Variants in AHCYL1 observed in about 807,000 individuals in gnomAD.
AHCYL1 encodes the protein S-adenosylhomocysteine hydrolase-like protein 1.
Under a neutral mutation model 79.3 loss-of-function variants are expected in AHCYL1, and 20 were observed. The ratio of observed to expected loss-of-function variants is 0.25; its 90% CI spans 0.18 to 0.37. AHCYL1 has a LOEUF of 0.37. Ranked by LOEUF, AHCYL1 falls within the 10% of genes least tolerant of loss-of-function variation. The pLI is 1.00. For synonymous variants in AHCYL1, 223 were observed against 242.2 expected, an observed-to-expected ratio of 0.92 and a Z score of 0.74; for missense variants, 330 against 673.6, an observed-to-expected ratio of 0.49 and a Z score of 5.65.
intron 5 of AHCYL1, among the ~76,000 whole-genome samples, chr1:110,013,733 A>C (rs971672274): frequency 4.6e-5 from 7 of 151,850 alleles, no homozygotes; most frequent in African/African-American, 1.7e-4. Context: ...AATAATAATA[A>C]TTTTTATTAT....
At chr1:109,991,689 G>C (rs943449110) in intron 1 of AHCYL1, among the ~76,000 whole-genome samples, 6 of 152,178 alleles carry the variant, frequency 3.9e-5, no homozygotes, top group African/African-American at 1.2e-4. Flanking sequence ...GAGCCTGTGT[G>C]CCAAGGAAAA....
At chr1:110,014,185 C>T (rs1570885540) in intron 5 of AHCYL1, among the ~76,000 whole-genome samples, 1 of 152,128 alleles carries the variant, frequency 6.6e-6, no homozygotes, top group East Asian at 1.9e-4. Context: ...GATAAGTGTT[C>T]ACTGCAAAAA....
Position 110,015,422 on chromosome 1 carries a change from T to C in AHCYL1, c.676-3T>C. On this transcript the variant is annotated splice_region_variant and splice_polypyrimidine_tract_variant and intron_variant, in intron 6 of 16. Transcript: ENST00000369799. ...CCATAGAAGTCTTCTGGCTGTTCTA[T>C]AGATCCTGGATGATGGGGGAGACTT... 1 of 1,613,496 alleles carries C rather than the reference T, an allele frequency of 6.2e-7. No homozygotes were observed. Among genetic ancestry groups the C allele is most frequent in the Non-Finnish European group, 8.5e-7 (1 of 1,179,402 alleles).
intron 1 of AHCYL1, among the ~76,000 whole-genome samples, chr1:109,989,623 C>T (rs1649651283): frequency 6.6e-6 from 1 of 152,110 alleles, no homozygotes; most frequent in East Asian, 1.9e-4. Flanking sequence ...TCTGCCACTC[C>T]GAGTAGTTAA....
intron 1 of AHCYL1, among the ~76,000 whole-genome samples, chr1:109,999,302 C>G (rs1235904482): frequency 6.6e-6 from 1 of 152,152 alleles, no homozygotes. Flanking sequence ...GATGAGAATA[C>G]TTAGGATCTA....
chr1:110,012,232 C>T (rs532277969), intron 3 of AHCYL1, 130 bp from the exon 4 acceptor site: 9 of 680,036 alleles, frequency 1.3e-5, no homozygotes, highest in Admixed American at 6.0e-5. Context: ...AGCTGCCAGT[C>T]GTCATGGAAA....
chr1:109,994,177 T>C (rs1649904604), intron 1 of AHCYL1, among the ~76,000 whole-genome samples: 1 of 152,208 alleles, frequency 6.6e-6, no homozygotes, highest in Non-Finnish European at 1.5e-5. Flanking sequence ...TGGCACTACA[T>C]TTTGTGTGTT....
At chr1:110,009,553 C>G (rs1353566876) in intron 2 of AHCYL1, among the ~76,000 whole-genome samples, 1 of 152,206 alleles carries the variant, frequency 6.6e-6, no homozygotes, top group Non-Finnish European at 1.5e-5. Flanking sequence ...TTTCTTGTCT[C>G]CAAGACTGCT....
rs916003046 is a variant in AHCYL1 at position 110,018,386 on chromosome 1, A to G, written c.1137A>G (p.Val379=). Residue 379 remains valine, a synonymous_variant, in exon 12 of 17, where the codon GTA becomes GTG. Coordinates refer to ENST00000369799, the MANE Select transcript of AHCYL1 (RefSeq NM_006621.7). ...VVITCTGNKN[V]VTREHLDRMK... is the part of the protein sequence containing the mutation. Reference sequence around the variant, plus strand: ...CTTTTCTTTTAGGAAATAAGAATGTAGTGACACGGGAGCACTTGGATCGCA... The same window carrying G: ...CTTTTCTTTTAGGAAATAAGAATGTGGTGACACGGGAGCACTTGGATCGCA... The G allele has an allele frequency of 7.4e-6, 12 of 1,614,028 alleles. No homozygotes were observed. Among genetic ancestry groups the G allele is most frequent in the Non-Finnish European group, 2.5e-6 (3 of 1,180,002 alleles).
At chr1:110,005,944 T>C (rs1343466141) in intron 1 of AHCYL1, among the ~76,000 whole-genome samples, 1 of 147,026 alleles carries the variant, frequency 6.8e-6, no homozygotes, top group Non-Finnish European at 1.6e-5. Flanking sequence ...ATTATTCGTT[T>C]GGTAGAGCTT....
intron 16 of AHCYL1, 147 bp downstream of exon 16, chr1:110,020,998 C>T (rs1651760138): frequency 8.1e-7 from 1 of 1,237,504 alleles, no homozygotes; most frequent in Non-Finnish European, 1.1e-6. Context: ...TGGCTCACGC[C>T]TGTAATCCCA....
Position 110,017,546 on chromosome 1 carries a change from A to C in AHCYL1, c.1015A>C (p.Ile339Leu), listed in dbSNP as rs1651496864. Residue 339 changes from isoleucine to leucine, a missense_variant, in exon 10 of 17, where the codon ATT (isoleucine) becomes CTT (leucine). This residue lies in a region of AHCYL1 where 119 missense variants were observed against 293.3 expected (regional missense o/e 0.41). Transcript: ENST00000369799. ...CAAAGCTCTTGGAGCAATTGTCTAC[A>C]TTACCGAAATCGACCCCATCTGTGC... ...ALKALGAIVY[I>L]TEIDPICALQ... The C allele has an allele frequency of 6.2e-7, 1 of 1,614,044 alleles. No homozygotes were observed. The highest frequency in any genetic ancestry group is 8.5e-7 in the Non-Finnish European group (1 of 1,180,036).
intron 11 of AHCYL1, 59 bp from the exon 12 acceptor site, chr1:110,018,314 C>A: frequency 6.5e-7 from 1 of 1,544,518 alleles, no homozygotes; most frequent in Non-Finnish European, 8.9e-7. Flanking sequence ...TACCTGAAAG[C>A]CAGCCAGTAC....
At chr1:110,010,975 G>A (rs574931242) in intron 2 of AHCYL1, among the ~76,000 whole-genome samples, 8 of 152,290 alleles carry the variant, frequency 5.3e-5, no homozygotes, top group Admixed American at 3.9e-4. Context: ...CTTGTCATAG[G>A]CACTAATAGC....
In AHCYL1 at chr1:110,012,233, G is replaced by A. The variant is rs191939766; in HGVS notation, c.377-129G>A. 1.6e-4 allele frequency: 110 copies of A among 695,842 alleles called. 2 individuals carry two copies. In the East Asian group the frequency reaches 1.7e-3, roughly 11 times the overall value. 43.1% of individuals were successfully genotyped at this position (695,842 alleles called of 1,614,324 possible). On this transcript the variant is annotated intron_variant, in intron 3 of 16. Coordinates refer to ENST00000369799, the MANE Select transcript of AHCYL1 (RefSeq NM_006621.7). ...TACTGTGCCGTTGAAGCTGCCAGTCGTCATGGAAATAGGCTTAAAGTTTTT... is the reference window on the plus strand; with the variant it reads ...TACTGTGCCGTTGAAGCTGCCAGTCATCATGGAAATAGGCTTAAAGTTTTT...
At chr1:110,016,522 G>A in intron 8 of AHCYL1, 62 bp downstream of exon 8, 1 of 1,565,228 alleles carries the variant, frequency 6.4e-7, no homozygotes, top group Non-Finnish European at 8.7e-7. Flanking sequence ...GGCTTTAAAA[G>A]TTTATTAGAG....
rs1649409138 is a variant in AHCYL1 at position 109,985,328 on chromosome 1, C to T, written c.120+156C>T. 6.7e-6 allele frequency: 9 copies of T among 1,343,622 alleles called. No individual in the cohort carries two copies. The South Asian group carries it at 1.6e-4, about 24-fold the overall frequency. The allele number at this position is 1,343,622 out of a possible 1,614,324, so 83.2% of individuals were successfully genotyped here. On this transcript the variant is annotated intron_variant, in intron 1 of 16. Transcript: ENST00000369799. ...GCGGCTGTGCGGCCCCAGGCCTCTC[C>T]CGGGCTGAAAGGCCGCCTCTGACCT...
intron 5 of AHCYL1, among the ~76,000 whole-genome samples, chr1:110,013,568 G>C (rs769697362): frequency 2.0e-5 from 3 of 151,824 alleles, no homozygotes; most frequent in Non-Finnish European, 2.9e-5. Context: ...AAGTTAGCCG[G>C]GAGTGGTGGT....
At chr1:109,990,308 GTTAGCAT>G (rs1000912036) in intron 1 of AHCYL1, among the ~76,000 whole-genome samples, 2 of 152,178 alleles carry the variant, frequency 1.3e-5, no homozygotes, top group African/African-American at 4.8e-5. Context: ...GGTTGAGAGG[GTTAGCAT>G]TTAGTAAATA....
Sources: allele counts gnomAD v4.1 joint callset (sites outside exome capture counted in the v4.1 genomes callset), GRCh38; gene constraint gnomAD v4.1.1; regional missense constraint gnomAD v4.1.1; transcripts MANE v1.5; gene names NCBI Gene and HGNC (gene_info 2026-07-23, HGNC 2026-07-21).